The following MYRIP variants were observed in gnomAD, a reference collection of about 807,000 sequenced individuals.
MYRIP encodes the protein rab effector MyRIP.
A neutral mutation model predicts 98.0 loss-of-function variants in MYRIP; 49 were observed. The observed-to-expected ratio is 0.50, with a 90% CI of 0.40 to 0.63. The LOEUF (loss-of-function observed/expected upper bound fraction) is 0.63. MYRIP is among the 30% of genes least tolerant of loss of function. The pLI, the probability that MYRIP is intolerant of heterozygous loss-of-function variation, is 0.00. For missense variants in MYRIP, 1,004 were observed against 1,058.2 expected (o/e 0.95, Z 0.71); for synonymous variants, 404 against 409.5 (o/e 0.99, Z 0.16).
chr3:40,082,486 T>A (rs1202975785), intron 3 of MYRIP, among the ~76,000 whole-genome samples: 2 of 152,220 alleles, frequency 1.3e-5, no homozygotes, highest in Non-Finnish European at 2.9e-5. Context: ...ATTAATGGCT[T>A]AATTTATATT....
intron 2 of MYRIP, among the ~76,000 whole-genome samples, chr3:39,931,181 CT>C (rs1944529056): frequency 6.6e-6 from 1 of 151,956 alleles, no homozygotes; most frequent in South Asian, 2.1e-4. Context: ...CATGGGATAT[CT>C]TTCCATTTAT....
chr3:40,211,280 G>A (rs763048631), intron 11 of MYRIP, among the ~76,000 whole-genome samples: 26 of 152,176 alleles, frequency 1.7e-4, no homozygotes, highest in Non-Finnish European at 2.1e-4. Flanking sequence ...AGTATATACT[G>A]TGTAAACTAA....
chr3:39,954,833 C>A (rs976566721), intron 2 of MYRIP, among the ~76,000 whole-genome samples: 5 of 152,016 alleles, frequency 3.3e-5, no homozygotes, highest in Admixed American at 2.6e-4. Flanking sequence ...CCTTAAATGA[C>A]CTGATGGAGC....
intron 2 of MYRIP, among the ~76,000 whole-genome samples, chr3:39,919,627 G>A (rs183739457): frequency 6.6e-6 from 1 of 151,998 alleles, no homozygotes; most frequent in East Asian, 1.9e-4. Flanking sequence ...AATATAAACA[G>A]ATTCGTGTGA....
At chr3:40,141,612 G>T (rs1298269906) in intron 3 of MYRIP, among the ~76,000 whole-genome samples, 1 of 152,144 alleles carries the variant, frequency 6.6e-6, no homozygotes, top group Non-Finnish European at 1.5e-5. Flanking sequence ...CTTTTGAGAT[G>T]ATTTTTGTGT....
chr3:40,115,931 C>A (rs993425161), intron 3 of MYRIP, among the ~76,000 whole-genome samples: 4 of 152,186 alleles, frequency 2.6e-5, no homozygotes, highest in Non-Finnish European at 5.9e-5. Context: ...GGTCCACACC[C>A]TCCTGCCCGC....
At chr3:39,979,152 TTTTG>T (rs1480968896) in intron 2 of MYRIP, among the ~76,000 whole-genome samples, 1 of 152,150 alleles carries the variant, frequency 6.6e-6, no homozygotes, top group African/African-American at 2.4e-5. Flanking sequence ...TTGTTTTTTG[TTTTG>T]TTTGTCTGTT....
intron 1 of MYRIP, among the ~76,000 whole-genome samples, chr3:39,875,161 T>C (rs1356480778): frequency 2.0e-5 from 3 of 152,198 alleles, no homozygotes; most frequent in Non-Finnish European, 2.9e-5. Context: ...GATGGTAGTT[T>C]GTATTTCTGT....
At chr3:40,174,180 CA>C (rs1950694135) in intron 8 of MYRIP, 1 of 152,224 alleles carries the variant, frequency 6.6e-6, no homozygotes, top group South Asian at 2.1e-4. Flanking sequence ...CCTGGCTTAA[CA>C]GTGTAACCAC....
At chr3:40,182,086 C>A in intron 8 of MYRIP, 134 bp from the exon 9 acceptor site, 4 of 968,812 alleles carry the variant, frequency 4.1e-6, no homozygotes, top group South Asian at 2.2e-5. Flanking sequence ...GCTTTTAAGG[C>A]TCACGTGAAA....
chr3:39,874,604 G>A (rs1451277406), intron 1 of MYRIP, among the ~76,000 whole-genome samples: 5 of 152,040 alleles, frequency 3.3e-5, no homozygotes, highest in Admixed American at 6.5e-5. Context: ...ATAATCATGC[G>A]GTTTTTGTCT....
At chr3:39,873,154 T>C (rs1453596107) in intron 1 of MYRIP, among the ~76,000 whole-genome samples, 1 of 152,258 alleles carries the variant, frequency 6.6e-6, no homozygotes, top group African/African-American at 2.4e-5. Context: ...AAGTGTCTGT[T>C]CATGTCTTTT....
At chr3:39,939,880 T>C (rs1362412120) in intron 2 of MYRIP, among the ~76,000 whole-genome samples, 1 of 152,092 alleles carries the variant, frequency 6.6e-6, no homozygotes, top group Non-Finnish European at 1.5e-5. Context: ...AAGTAGAATT[T>C]AGGAGAGTAT....
intron 3 of MYRIP, among the ~76,000 whole-genome samples, chr3:40,113,700 G>GT (rs1368933808): frequency 2.0e-5 from 3 of 151,838 alleles, no homozygotes; most frequent in South Asian, 2.1e-4. Context: ...TTGTTTTTTT[G>GT]TTTTTTTGAG....
chr3:40,251,912 C>G lies in MYRIP; in HGVS notation c.2460C>G (p.Thr820=). Residue 820 remains threonine (T), a synonymous_variant, in exon 16 of 17, where the codon ACC becomes ACG. Coordinates refer to ENST00000302541, the MANE Select transcript of MYRIP (RefSeq NM_015460.4). ...AEKIETSSVT[T]IKTFNHNFIL... Reference sequence around the variant, plus strand: ...AAATTGAGACATCTTCAGTGACTACCATTAAAACATTTAACCACAACTTCA... The same window carrying G: ...AAATTGAGACATCTTCAGTGACTACGATTAAAACATTTAACCACAACTTCA... 1 of 1,613,462 alleles carries G rather than the reference C, an allele frequency of 6.2e-7. No homozygotes were observed.
intron 1 of MYRIP, among the ~76,000 whole-genome samples, chr3:39,810,167 G>T (rs1189128284): frequency 2.6e-5 from 4 of 152,230 alleles, no homozygotes; most frequent in African/African-American, 9.6e-5. Flanking sequence ...TTCTCTCGCT[G>T]CTGGGGTGGG....
chr3:40,234,156 A>G, intron 12 of MYRIP, 103 bp downstream of exon 12: 1 of 1,135,330 alleles, frequency 8.8e-7, no homozygotes, highest in Non-Finnish European at 1.2e-6. Context: ...ACACATACAC[A>G]CACACACCAC....
intron 1 of MYRIP, among the ~76,000 whole-genome samples, chr3:39,870,514 A>G (rs991062149): frequency 6.6e-6 from 1 of 152,154 alleles, no homozygotes; most frequent in African/African-American, 2.4e-5. Flanking sequence ...TAAGGTTAAT[A>G]AAGTCTTTTT....
At chr3:40,114,530 T>C (rs745847213) in intron 3 of MYRIP, among the ~76,000 whole-genome samples, 1 of 152,226 alleles carries the variant, frequency 6.6e-6, no homozygotes, top group Non-Finnish European at 1.5e-5. Flanking sequence ...CTTACAAATA[T>C]GGGCTAGCAT....
Sources: gnomAD v4.1 joint callset for allele counts (sites outside exome capture counted in the v4.1 genomes callset) on GRCh38, gnomAD v4.1.1 for gene constraint, MANE v1.5 for transcripts, NCBI Gene and HGNC (gene_info 2026-07-23, HGNC 2026-07-21) for gene names.